APC: variants seen among roughly 807,000 people sequenced by gnomAD.
APC encodes adenomatous polyposis coli protein.
APC carries 72 observed loss-of-function variants against 247.0 expected under a neutral mutation model. That is an observed-to-expected ratio of 0.29 (90% CI 0.24 to 0.35). APC has a LOEUF of 0.35. APC is among the 10% of genes least tolerant of loss of function. The pLI is 1.00. For missense variants in APC, 3,400 were observed against 3,360.7 expected, an observed-to-expected ratio of 1.01 and a Z score of -0.29; for synonymous variants, 1,254 against 1,162.5, an observed-to-expected ratio of 1.08 and a Z score of -1.60.
At position 112,816,529 on chromosome 5, in the gene APC, C is replaced by G. The variant is rs116535420; in HGVS notation, c.933+936C>G. Among the ~76,000 whole-genome samples the G allele has an allele frequency of 5.7e-3, 874 of 152,230 alleles. 1 individual carries two copies. The highest frequency in any genetic ancestry group is 0.01 in the Middle Eastern group (3 of 294). ...TTACTTTAAGCCGGATGTGGTGGCT[C>G]ACACCTGTAATCCCAGAAATTTGGG... On this transcript the variant is annotated intron_variant, in intron 9 of 15. Coordinates refer to ENST00000257430, the MANE Select transcript of APC (RefSeq NM_000038.6).
rs546577554 is a variant in APC at position 112,753,170 on chromosome 5, T to G, written c.-18-1703T>G. Among the ~76,000 whole-genome samples, 29 of 152,298 alleles carry G rather than the reference T, an allele frequency of 1.9e-4. No individual in the cohort carries two copies. The East Asian group carries it at 5.2e-3, about 27-fold the overall frequency. On this transcript the variant is annotated intron_variant, in intron 1 of 15. Transcript: ENST00000257430. The stretch of plus-strand genomic sequence containing the variant: ...TCAGATCCCTACCTCTGTCATATGG[T>G]TTATAATGTGCTGGGTATTTTCAGA...
chr5:112,788,975 T>C (rs1759286230), intron 6 of APC, among the ~76,000 whole-genome samples: 1 of 152,186 alleles, frequency 6.6e-6, no homozygotes, highest in South Asian at 2.1e-4. Context: ...GTGGTCTTCT[T>C]TTTCTTGTCT....
Position 112,843,017 on chromosome 5 carries a change from A to G in APC, c.7423A>G (p.Thr2475Ala), listed in dbSNP as rs1246562800. ...LSPSSRPASP[T>A]RSQAQTPVLS... The stretch of plus-strand genomic sequence containing the variant: ...TCCATCATCTAGACCAGCTTCTCCC[A>G]CTAGGTCCCAGGCACAAACTCCAGT... Residue 2475 changes from threonine (T) to alanine (A), a missense_variant, in exon 16 of 16, where the codon ACT becomes GCT. Coordinates refer to ENST00000257430, the MANE Select transcript of APC (RefSeq NM_000038.6). This position sits in a 1 kb window ranked among gnomAD's most constrained non-coding sequence, Gnocchi z 4.8. 6.2e-7 allele frequency: 1 copy of G among 1,613,956 alleles called. No individual in the cohort carries two copies. The highest frequency in any genetic ancestry group is 1.7e-5 in the Admixed American group (1 of 60,008).
intron 1 of APC, among the ~76,000 whole-genome samples, chr5:112,713,938 G>A (rs1009804611): frequency 5.3e-5 from 8 of 152,188 alleles, no homozygotes; most frequent in Admixed American, 1.3e-4. Context: ...GATTATAGGC[G>A]TTAGCCACCG....
chr5:112,827,043 C>T (rs2149807784), intron 11 of APC, 65 bp from the exon 12 acceptor site: 1 of 1,546,096 alleles, frequency 6.5e-7, no homozygotes, highest in Non-Finnish European at 8.9e-7. Flanking sequence ...TTTAAGTTAC[C>T]AACTTGGTAC....
rs876659056 is a variant in APC at position 112,840,636 on chromosome 5, C to T, written c.5042C>T (p.Ser1681Leu). 6.2e-7 allele frequency: 1 copy of T among 1,613,958 alleles called. No homozygotes were observed. The change falls in exon 16 of 16, where the codon TCA becomes TTA. Residue 1681 changes from serine to leucine, a missense_variant. Around this residue, in one of 9 missense-constraint regions of APC, gnomAD observed 1,788 missense variants for 1,649.5 expected, o/e 1.08. Transcript: ENST00000257430. The surrounding 1 kb of genome is among the most constrained non-coding windows in gnomAD (Gnocchi z 4.1). ...AGEGVRGGAQ[S>L]GEFEKRDTIP... Reference sequence around the variant, plus strand: ...GAAGGAGTTAGAGGAGGGGCACAGTCAGGTGAATTTGAAAAACGAGATACC... The same window carrying T: ...GAAGGAGTTAGAGGAGGGGCACAGTTAGGTGAATTTGAAAAACGAGATACC...
intron 2 of APC, among the ~76,000 whole-genome samples, chr5:112,756,540 C>T (rs1445172731): frequency 6.6e-6 from 1 of 152,196 alleles, no homozygotes; most frequent in East Asian, 1.9e-4. Context: ...AATATTCTTT[C>T]ATCTACTTTA....
intron 1 of APC, among the ~76,000 whole-genome samples, chr5:112,742,386 A>G (rs976739446): frequency 6.6e-6 from 1 of 152,172 alleles, no homozygotes; most frequent in Non-Finnish European, 1.5e-5. Flanking sequence ...TGTATAACAA[A>G]TTGTACCAAA....
Position 112,841,024 on chromosome 5 carries a change from T to G in APC, c.5430T>G (p.Asp1810Glu), listed in dbSNP as rs149828124. 4 of 1,610,858 alleles carry G rather than the reference T, an allele frequency of 2.5e-6. No individual in the cohort carries two copies. In the African/African-American group the frequency reaches 5.3e-5, roughly 22 times the overall value. Residue 1810 changes from aspartate (D) to glutamate (E), a missense_variant, in exon 16 of 16, where the codon GAT becomes GAG. This residue lies in a region of APC where 1,788 missense variants were observed against 1,649.5 expected (regional missense o/e 1.08). Coordinates refer to ENST00000257430, the MANE Select transcript of APC (RefSeq NM_000038.6). This position sits in a 1 kb window ranked among gnomAD's most constrained non-coding sequence, Gnocchi z 4.6. ...AGAGAGTTTTCTCAGACAACAAAGA[T>G]TCAAAGAAACAGAATTTGAAAAATA... Reference protein sequence around the residue: ...NAERVFSDNKDSKKQNLKNNS... With the variant: ...NAERVFSDNKESKKQNLKNNS...
chr5:112,779,982 C>T (rs956671795), intron 5 of APC, among the ~76,000 whole-genome samples: 3 of 152,152 alleles, frequency 2.0e-5, no homozygotes, highest in Admixed American at 1.3e-4. Flanking sequence ...GCCTGATTCC[C>T]TTCATGGCCC....
At chr5:112,834,539 G>C (rs111777303) in intron 14 of APC, among the ~76,000 whole-genome samples, 2 of 152,036 alleles carry the variant, frequency 1.3e-5, no homozygotes, top group Non-Finnish European at 1.5e-5. Flanking sequence ...CACTGTGCCC[G>C]GCCACATGCC....
intron 7 of APC, among the ~76,000 whole-genome samples, chr5:112,798,345 G>A (rs9686237): frequency 0.032 from 4,890 of 152,250 alleles, 291 homozygotes; most frequent in African/African-American, 0.11. Flanking sequence ...TATATCAAAT[G>A]TCCAGAAAAG....
At position 112,818,619 on chromosome 5, in the gene APC, C is replaced by T. The variant is rs530684728; in HGVS notation, c.934-347C>T. Among the ~76,000 whole-genome samples, 4 of 152,088 alleles carry T rather than the reference C, an allele frequency of 2.6e-5. No individual in the cohort carries two copies. The South Asian group carries it at 8.3e-4, about 32-fold the overall frequency. ...CTACATTCTCTATGTGTGTGAAATCCGTTGTTTTTCACTGATTATAGTCAG... is the reference window on the plus strand; with the variant it reads ...CTACATTCTCTATGTGTGTGAAATCTGTTGTTTTTCACTGATTATAGTCAG... On this transcript the variant is annotated intron_variant, in intron 9 of 15. Coordinates refer to ENST00000257430, the MANE Select transcript of APC (RefSeq NM_000038.6).
chr5:112,721,901 T>G (rs555189148), intron 1 of APC, among the ~76,000 whole-genome samples: 2 of 151,528 alleles, frequency 1.3e-5, no homozygotes, highest in East Asian at 3.9e-4. Flanking sequence ...GAAAAAAAAA[T>G]CTCCTAATGT....
intron 7 of APC, among the ~76,000 whole-genome samples, chr5:112,793,514 C>A (rs560598264): frequency 6.6e-6 from 1 of 151,854 alleles, no homozygotes; most frequent in African/African-American, 2.4e-5. Flanking sequence ...AAAATTCACC[C>A]AACAAAACAA....
intron 1 of APC, among the ~76,000 whole-genome samples, chr5:112,742,370 T>C (rs1196652560): frequency 6.6e-6 from 1 of 152,240 alleles, no homozygotes; most frequent in African/African-American, 2.4e-5. Flanking sequence ...GTTATTTATG[T>C]ATTTCTGTAT....
At chr5:112,827,013 TGA>T (rs1415624881) in intron 11 of APC, 93 bp from the exon 12 acceptor site, 1 of 1,237,766 alleles carries the variant, frequency 8.1e-7, no homozygotes, top group Non-Finnish European at 1.2e-6. Context: ...TCTCATTGAT[TGA>T]GTTTTTTTTT....
intron 8 of APC, chr5:112,810,089 C>A (rs1226480987): frequency 2.2e-6 from 1 of 455,196 alleles, no homozygotes; most frequent in African/African-American, 2.0e-5. Flanking sequence ...CTGATACAGA[C>A]TATAAGTTTG....
chr5:112,774,285 A>T (rs1043884547), intron 4 of APC, among the ~76,000 whole-genome samples: 1 of 152,254 alleles, frequency 6.6e-6, no homozygotes, highest in South Asian at 2.1e-4. Context: ...ATTCTCCAAA[A>T]TCCTAAAGTT....
Sources: allele counts gnomAD v4.1 joint callset (sites outside exome capture counted in the v4.1 genomes callset), GRCh38; gene constraint gnomAD v4.1.1; regional missense constraint gnomAD v4.1.1; non-coding constraint Gnocchi (gnomAD v3.1); transcripts MANE v1.5; gene names NCBI Gene and HGNC (gene_info 2026-07-23, HGNC 2026-07-21).